The following STN1 variants were observed in gnomAD, a reference collection of about 807,000 sequenced individuals.
The protein encoded by STN1 is STN1 subunit of CST complex, also known as CST complex subunit STN1.
A neutral mutation model predicts 45.5 loss-of-function variants in STN1; 29 were observed. The ratio of observed to expected loss-of-function variants is 0.64; its 90% confidence interval spans 0.47 to 0.87. The LOEUF is 0.87. Among genes scored for constraint, STN1 ranks in the 40% least tolerant of loss-of-function variants. The pLI, the probability that STN1 is intolerant of heterozygous loss-of-function variation, is 0.00. For synonymous variants in STN1, 148 were observed against 159.0 expected (o/e 0.93, Z 0.52); for missense variants, 376 against 441.4 (o/e 0.85, Z 1.33).
chr10:103,883,504 A>G (rs978471322), intron 9 of STN1, among the ~76,000 whole-genome samples: 1 of 152,138 alleles, frequency 6.6e-6, no homozygotes. Flanking sequence ...TGAGAAAATG[A>G]AATAACTTTT....
At chr10:103,897,405 A>G in intron 7 of STN1, 143 bp downstream of exon 7, 1 of 732,160 alleles carries the variant, frequency 1.4e-6, no homozygotes, top group East Asian at 2.7e-5. Flanking sequence ...TTTCCAGAAT[A>G]GAAATAATGT....
chr10:103,889,253 A>C lies in STN1; in HGVS notation c.877-109T>G, dbSNP rs1364314643. 5 of 714,922 alleles carry C rather than the reference A, an allele frequency of 7.0e-6. No individual in the cohort carries two copies. In the East Asian group the frequency reaches 1.1e-4, roughly 15 times the overall value. 44.3% of individuals were successfully genotyped at this position (714,922 alleles called of 1,614,324 possible). A position where few individuals can be genotyped will look rare whatever the true frequency, so the allele number is the denominator to read the frequency against. ...GGATAGTTTCTAAAGATTACATAAT[A>C]ATCATCTTCCCTACACCATTAATGT... On this transcript the variant is annotated intron_variant, in intron 8 of 9. Coordinates refer to ENST00000224950, the MANE Select transcript of STN1 (RefSeq NM_024928.5).
chr10:103,905,009 C>A, intron 4 of STN1, 82 bp downstream of exon 4: 1 of 1,188,612 alleles, frequency 8.4e-7, no homozygotes, highest in East Asian at 2.3e-5. Flanking sequence ...GAAAATTTAG[C>A]CCTATAGCTG....
intron 8 of STN1, among the ~76,000 whole-genome samples, chr10:103,889,994 C>A (rs11597399): frequency 1.3e-5 from 2 of 152,018 alleles, no homozygotes; most frequent in Admixed American, 6.6e-5. Flanking sequence ...CGTGAGCCAC[C>A]GCACCTGGCC....
intron 9 of STN1, among the ~76,000 whole-genome samples, chr10:103,885,141 A>AACT (rs201404879): frequency 6.6e-6 from 1 of 152,116 alleles, no homozygotes; most frequent in East Asian, 1.9e-4. Flanking sequence ...GACCAGGGGG[A>AACT]ACTACTATGA....
intron 9 of STN1, 46 bp from the exon 10 acceptor site, chr10:103,882,887 C>A: frequency 6.4e-7 from 1 of 1,574,458 alleles, no homozygotes; most frequent in Non-Finnish European, 8.6e-7. Flanking sequence ...AACTGTCAGG[C>A]CCTCCTCTGT....
At chr10:103,899,282 G>A (rs1336131769) in intron 5 of STN1, among the ~76,000 whole-genome samples, 3 of 152,222 alleles carry the variant, frequency 2.0e-5, no homozygotes, top group African/African-American at 7.2e-5. Context: ...TGGACAGCAG[G>A]GGCTGTCCTT....
chr10:103,906,318 C>T (rs1370596452), intron 3 of STN1, among the ~76,000 whole-genome samples: 2 of 152,122 alleles, frequency 1.3e-5, no homozygotes, highest in African/African-American at 2.4e-5. Context: ...AAAACTAATA[C>T]TGGATAGCAA....
intron 2 of STN1, 57 bp downstream of exon 2, chr10:103,917,405 C>T: frequency 6.4e-7 from 1 of 1,561,648 alleles, no homozygotes; most frequent in Non-Finnish European, 8.7e-7. Flanking sequence ...CTTTCTGAGA[C>T]TTTGGGAAAG....
intron 4 of STN1, among the ~76,000 whole-genome samples, chr10:103,901,435 C>T (rs911174254): frequency 6.6e-6 from 1 of 152,128 alleles, no homozygotes; most frequent in East Asian, 1.9e-4. Context: ...GCTCAGCCAT[C>T]GGCATTTTGG....
rs779578647 is a variant in STN1, at chr10:103,889,118, G to A, written c.903C>T (p.His301=). 1.9e-6 allele frequency: 3 copies of A among 1,613,536 alleles called. No individual in the cohort carries two copies. The African/African-American group carries it at 4.0e-5, about 22-fold the overall frequency. ...YYVTREDKDL[H]RKIHRIIQQD... ...GCTGAATGATCCGGTGGATCTTTCTGTGCAGGTCTTTGTCTTCTCTGGTTA... is the reference window on the plus strand; with the variant it reads ...GCTGAATGATCCGGTGGATCTTTCTATGCAGGTCTTTGTCTTCTCTGGTTA... The change falls in exon 9 of 10, where the codon CAC becomes CAT. Residue 301 remains histidine (H), a synonymous_variant. Transcript: ENST00000224950.
intron 3 of STN1, among the ~76,000 whole-genome samples, chr10:103,909,113 T>C (rs1405157583): frequency 6.6e-6 from 1 of 151,782 alleles, no homozygotes; most frequent in African/African-American, 2.4e-5. Flanking sequence ...GAGAATAATA[T>C]GAAATTATGC....
At chr10:103,913,113 T>A (rs1438500725) in intron 2 of STN1, among the ~76,000 whole-genome samples, 1 of 152,206 alleles carries the variant, frequency 6.6e-6, no homozygotes, top group Non-Finnish European at 1.5e-5. Flanking sequence ...GCAAAAACAC[T>A]TTCAGATGGG....
rs1372291286 is a variant in STN1, at chr10:103,880,460, G to A, written c.*2224C>T. Among the ~76,000 whole-genome samples the A allele has an allele frequency of 6.6e-6, 1 of 152,172 alleles. No homozygotes were observed. Among genetic ancestry groups the A allele is most frequent in the Non-Finnish European group, 1.5e-5 (1 of 68,024 alleles). ...TCAGGCTGATCTTTGCTTGAACGTG[G>A]GGTTTCATTTGGGACCCTCCCCTCT... On this transcript the variant is annotated 3_prime_UTR_variant, in exon 10 of 10. Transcript: ENST00000224950.
intron 2 of STN1, among the ~76,000 whole-genome samples, chr10:103,915,462 T>C (rs1843325148): frequency 6.6e-6 from 1 of 152,174 alleles, no homozygotes; most frequent in Non-Finnish European, 1.5e-5. Flanking sequence ...CCATGAATAA[T>C]GATGACGCTC....
chr10:103,890,558 AGG>A (rs1843133579), intron 8 of STN1, among the ~76,000 whole-genome samples: 1 of 152,138 alleles, frequency 6.6e-6, no homozygotes, highest in Non-Finnish European at 1.5e-5. Context: ...CTGGGAGGAA[AGG>A]TGTGTCCCAG....
In STN1 at chr10:103,878,694, G is replaced by T. The variant is rs1008420472; in HGVS notation, c.*3990C>A. Reference sequence around the variant, plus strand: ...ATCTCACCATGCAGAGGTAACATGTGCATCCCTTTGGTGAGAATTTCTAGT... The same window carrying T: ...ATCTCACCATGCAGAGGTAACATGTTCATCCCTTTGGTGAGAATTTCTAGT... On this transcript the variant is annotated 3_prime_UTR_variant, in exon 10 of 10. Transcript: ENST00000224950. 9 of 152,230 alleles carry T rather than the reference G, an allele frequency of 5.9e-5. No individual in the cohort carries two copies. The highest frequency in any genetic ancestry group is 2.6e-4 in the Admixed American group (4 of 15,286). The allele number at this position is 152,230 out of a possible 1,614,324, so 9.4% of individuals were successfully genotyped here. A position where few individuals can be genotyped will look rare whatever the true frequency, so the allele number is the denominator to read the frequency against.
chr10:103,914,856 T>G (rs1843318870), intron 2 of STN1, among the ~76,000 whole-genome samples: 1 of 152,176 alleles, frequency 6.6e-6, no homozygotes, highest in Admixed American at 6.5e-5. Context: ...ATTTCACAGG[T>G]GAAGGGCACA....
intron 6 of STN1, 33 bp downstream of exon 6, chr10:103,898,844 T>C: frequency 6.2e-7 from 1 of 1,611,858 alleles, no homozygotes. Flanking sequence ...TCTGCCGTGG[T>C]CACGTGCTCA....
Sources: allele counts gnomAD v4.1 joint callset (sites outside exome capture counted in the v4.1 genomes callset), GRCh38; gene constraint gnomAD v4.1.1; transcripts MANE v1.5; gene names NCBI Gene and HGNC (gene_info 2026-07-23, HGNC 2026-07-21).